RPH3A: variants seen among roughly 807,000 people sequenced by gnomAD.
The protein encoded by RPH3A is rabphilin-3A.
In RPH3A, 48 loss-of-function variants were observed where a neutral mutation model predicts 102.2. The ratio of observed to expected loss-of-function variants is 0.47; its 90% CI spans 0.37 to 0.60. RPH3A has a LOEUF of 0.60. Ranked by LOEUF, RPH3A falls within the 20% of genes least tolerant of loss-of-function variation. RPH3A has a pLI of 0.00. For missense variants in RPH3A, 781 were observed against 910.1 expected (o/e 0.86, Z 1.83); for synonymous variants, 310 against 324.3 (o/e 0.96, Z 0.47).
At chr12:112,609,603 C>T (rs574119528) in intron 1 of RPH3A, among the ~76,000 whole-genome samples, 6 of 152,314 alleles carry the variant, frequency 3.9e-5, no homozygotes, top group African/African-American at 1.4e-4. Flanking sequence ...GCTTCCCCTC[C>T]TCTGCTACCT....
At chr12:112,734,259 A>T (rs2040653393) in intron 1 of RPH3A, among the ~76,000 whole-genome samples, 1 of 152,214 alleles carries the variant, frequency 6.6e-6, no homozygotes, top group Non-Finnish European at 1.5e-5. Context: ...TGTTCAGGAC[A>T]ATAACATGCT....
At chr12:112,580,941 G>T (rs1406994030) in intron 1 of RPH3A, among the ~76,000 whole-genome samples, 1 of 152,152 alleles carries the variant, frequency 6.6e-6, no homozygotes, top group Non-Finnish European at 1.5e-5. Flanking sequence ...AACTTTTCTT[G>T]ATACCGAGTC....
chr12:112,609,887 G>A (rs771992472), intron 1 of RPH3A, among the ~76,000 whole-genome samples: 5 of 152,164 alleles, frequency 3.3e-5, no homozygotes, highest in African/African-American at 4.8e-5. Flanking sequence ...AGCAGCTAAC[G>A]TAGCTCCCAA....
At chr12:112,633,471 A>G (rs2039822466) in intron 1 of RPH3A, among the ~76,000 whole-genome samples, 1 of 151,982 alleles carries the variant, frequency 6.6e-6, no homozygotes, top group African/African-American at 2.4e-5. Context: ...CTATCAAGGG[A>G]CTGGGACTGG....
Position 112,580,648 on chromosome 12 carries a change from C to G in RPH3A, c.-140+5329C>G, listed in dbSNP as rs969412623. ...GTCTCGATCTCCTGACCTCGTGATC[C>G]GCCCGCCTCGGCCTCCCAAAGTGCT... is the stretch of plus-strand genomic sequence containing the variant. On this transcript the variant is annotated intron_variant, in intron 1 of 21. Transcript: ENST00000543106. Among the ~76,000 whole-genome samples the G allele has an allele frequency of 2.6e-5, 4 of 152,084 alleles. 1 individual carries two copies.
rs369842883 is a variant in RPH3A, at chr12:112,589,037, A to G, written c.-140+13718A>G. Among the ~76,000 whole-genome samples, 37 of 152,166 alleles carry G rather than the reference A, an allele frequency of 2.4e-4. No homozygotes were observed. The South Asian group carries it at 6.4e-3, about 26-fold the overall frequency. ...GGGAAGGGGGGAGAGTGTTCCAGGC[A>G]GAGGAACAGCATATGCAAAGGCCTT... On this transcript the variant is annotated intron_variant, in intron 1 of 21. Transcript: ENST00000543106.
chr12:112,857,051 G>A (rs902918203), intron 5 of RPH3A, among the ~76,000 whole-genome samples: 1 of 152,170 alleles, frequency 6.6e-6, no homozygotes, highest in African/African-American at 2.4e-5. Flanking sequence ...GCAGGGGTGT[G>A]TGTGTGTGTG....
intron 1 of RPH3A, among the ~76,000 whole-genome samples, chr12:112,729,718 C>G (rs2040620253): frequency 6.6e-6 from 1 of 152,176 alleles, no homozygotes; most frequent in South Asian, 2.1e-4. Context: ...ATACCACTGG[C>G]TAAAAAGCCA....
intron 5 of RPH3A, among the ~76,000 whole-genome samples, chr12:112,859,171 CA>C (rs911811836): frequency 2.6e-5 from 4 of 151,470 alleles, no homozygotes; most frequent in African/African-American, 9.7e-5. Context: ...CCTTCCATTT[CA>C]AAAAAAAGAG....
chr12:112,612,710 G>A (rs779816715), intron 1 of RPH3A, among the ~76,000 whole-genome samples: 7 of 151,662 alleles, frequency 4.6e-5, no homozygotes, highest in Non-Finnish European at 1.0e-4. Context: ...GACTACAGGT[G>A]TGCACTGCCA....
rs577632661 is a variant in RPH3A at position 112,889,713 on chromosome 12, C to T, written c.1564-311C>T. Among the ~76,000 whole-genome samples, 19 of 152,332 alleles carry T rather than the reference C, an allele frequency of 1.2e-4. 1 individual carries two copies. In the East Asian group the frequency reaches 3.7e-3, roughly 29 times the overall value. Reference sequence around the variant, plus strand: ...ATCTTGTCTGTTTGTGTGTGGAATGCTCTGACACTTATTGGCTGTGTGACC... The same window carrying T: ...ATCTTGTCTGTTTGTGTGTGGAATGTTCTGACACTTATTGGCTGTGTGACC... On this transcript the variant is annotated intron_variant, in intron 17 of 21. Transcript: ENST00000389385.
At chr12:112,801,244 A>G (rs932565465) in intron 2 of RPH3A, among the ~76,000 whole-genome samples, 1 of 152,214 alleles carries the variant, frequency 6.6e-6, no homozygotes, top group Non-Finnish European at 1.5e-5. Flanking sequence ...AACCAGCCGG[A>G]CTGGGCTTGC....
At chr12:112,648,760 A>G (rs1217972009) in intron 1 of RPH3A, among the ~76,000 whole-genome samples, 2 of 150,640 alleles carry the variant, frequency 1.3e-5, no homozygotes, top group Non-Finnish European at 3.0e-5. Flanking sequence ...AAAAAAAAAA[A>G]AAAAAATGGA....
intron 8 of RPH3A, chr12:112,869,551 G>A (rs948587145): frequency 1.5e-5 from 9 of 586,230 alleles, no homozygotes; most frequent in African/African-American, 7.5e-5. Context: ...TAAAGCCTGT[G>A]TATGCTCATA....
At chr12:112,808,198 A>G (rs968808868) in intron 2 of RPH3A, among the ~76,000 whole-genome samples, 1 of 152,220 alleles carries the variant, frequency 6.6e-6, no homozygotes, top group African/African-American at 2.4e-5. Flanking sequence ...GAAGGGATGC[A>G]GGATGGGGCA....
chr12:112,610,406 G>T (rs2039630193), intron 1 of RPH3A, among the ~76,000 whole-genome samples: 1 of 151,384 alleles, frequency 6.6e-6, no homozygotes, highest in Non-Finnish European at 1.5e-5. Flanking sequence ...AGGAGGCTGG[G>T]GCAGGAGAAT....
intron 1 of RPH3A, among the ~76,000 whole-genome samples, chr12:112,595,163 GC>G (rs200245221): frequency 1.4e-5 from 1 of 71,838 alleles, no homozygotes; most frequent in Non-Finnish European, 2.2e-5. Flanking sequence ...GATAATAACT[GC>G]TAAATTCAGT....
chr12:112,828,637 G>C (rs1011386412), intron 3 of RPH3A, among the ~76,000 whole-genome samples: 5 of 152,126 alleles, frequency 3.3e-5, no homozygotes, highest in Non-Finnish European at 5.9e-5. Context: ...TAACTGACCT[G>C]GTGGTCAGAA....
intron 1 of RPH3A, among the ~76,000 whole-genome samples, chr12:112,694,631 C>T (rs536862505): frequency 2.9e-4 from 33 of 114,172 alleles, no homozygotes; most frequent in African/African-American, 1.0e-3. Flanking sequence ...AAGACACACG[C>T]ACGCGCGCGC....
Sources: gnomAD v4.1 joint callset for allele counts (sites outside exome capture counted in the v4.1 genomes callset) on GRCh38, gnomAD v4.1.1 for gene constraint, MANE v1.5 for transcripts, NCBI Gene and HGNC (gene_info 2026-07-23, HGNC 2026-07-21) for gene names.